Variants in DDHD2 observed in about 807,000 individuals in gnomAD.
DDHD2 encodes triacylglycerol hydrolase DDHD2.
A neutral mutation model predicts 91.2 loss-of-function variants in DDHD2; 62 were observed. The ratio of observed to expected loss-of-function variants is 0.68; its 90% confidence interval spans 0.55 to 0.84. The LOEUF (loss-of-function observed/expected upper bound fraction) is 0.84. Ranked by LOEUF, DDHD2 falls within the 40% of genes least tolerant of loss-of-function variation. DDHD2 has a pLI of 0.00. For missense variants in DDHD2, 740 were observed against 846.9 expected, an observed-to-expected ratio of 0.87 and a Z score of 1.57; for synonymous variants, 271 against 293.9, an observed-to-expected ratio of 0.92 and a Z score of 0.80.
chr8:38,258,595 C>T (rs1806726004), intron 16 of DDHD2, among the ~76,000 whole-genome samples: 1 of 152,166 alleles, frequency 6.6e-6, no homozygotes, highest in African/African-American at 2.4e-5. Context: ...TTCTCAACTT[C>T]TTACTTGTTG....
chr8:38,269,019 G>A (rs1448644572), intron 1 of DDHD2: 1 of 1,550,086 alleles, frequency 6.5e-7, no homozygotes, highest in Non-Finnish European at 8.7e-7. Context: ...GCGCAGAGCA[G>A]GTCGCCTGGC....
chr8:38,267,315 C>T (rs758173996), downstream of DDHD2: 1 of 1,614,036 alleles, frequency 6.2e-7, no homozygotes, highest in Non-Finnish European at 8.5e-7. Context: ...TTCACCACGT[C>T]CTTATCCCCT....
At chr8:38,252,435 G>T in intron 13 of DDHD2, 148 bp downstream of exon 13, 5 of 916,106 alleles carry the variant, frequency 5.5e-6, no homozygotes, top group Non-Finnish European at 8.2e-6. Context: ...GGAAGTGATG[G>T]AGCAGAACTG....
At chr8:38,243,808 C>CTTT (rs747825792) in intron 7 of DDHD2, among the ~76,000 whole-genome samples, 1 of 135,336 alleles carries the variant, frequency 7.4e-6, no homozygotes, top group Admixed American at 7.5e-5. Context: ...TTTTTTTTAT[C>CTTT]TTTTTTTTTT....
At chr8:38,272,150 G>C (rs913865433), downstream of DDHD2, 1 of 152,176 alleles carries the variant, frequency 6.6e-6, no homozygotes, top group Non-Finnish European at 1.5e-5. Context: ...TTACAGACAT[G>C]TTTTCAAATA....
intron 6 of DDHD2, among the ~76,000 whole-genome samples, chr8:38,241,728 C>A (rs1304944242): frequency 1.3e-5 from 2 of 149,248 alleles, no homozygotes; most frequent in African/African-American, 4.9e-5. Context: ...CTGAAGTTAG[C>A]CTTCTTTTGA....
downstream of DDHD2, chr8:38,263,765 T>C: frequency 3.0e-6 from 3 of 985,422 alleles, no homozygotes; most frequent in Non-Finnish European, 3.6e-6. Flanking sequence ...AAATTAAGTT[T>C]TGATAATGAA....
At chr8:38,266,208 CAGAA>C (rs776998272), downstream of DDHD2, 37 of 1,613,708 alleles carry the variant, frequency 2.3e-5, no homozygotes, top group South Asian at 2.2e-4. Flanking sequence ...GTAGAGGTGA[CAGAA>C]AGGCACAGAA....
chr8:38,237,654 G>T (rs768495260), intron 4 of DDHD2, 27 bp downstream of exon 4: 10 of 1,362,010 alleles, frequency 7.3e-6, no homozygotes, highest in African/African-American at 1.5e-5. Context: ...CTCTTGTCGG[G>T]ATAAAAAGTT....
chr8:38,264,713 A>C, downstream of DDHD2: 1 of 1,435,332 alleles, frequency 7.0e-7, no homozygotes, highest in South Asian at 1.5e-5. Context: ...TGTGGGGCTA[A>C]AATAACCTCA....
At position 38,253,032 on chromosome 8, in the gene DDHD2, A is replaced by G. The variant is rs1487744193; in HGVS notation, c.1796A>G (p.Lys599Arg). ...NLLGSLRMAW[K>R]SFTRAPYPAL... ...CTAGGTTCGCTGCGGATGGCCTGGAAGTCTTTTACCAGAGCTCCATACCCT... is the reference window on the plus strand; with the variant it reads ...CTAGGTTCGCTGCGGATGGCCTGGAGGTCTTTTACCAGAGCTCCATACCCT... Residue 599 changes from lysine to arginine, a missense_variant, in exon 15 of 18, where the codon AAG becomes AGG. By Grantham distance (26) the Lys-to-Arg change is conservative. Coordinates refer to ENST00000397166, the MANE Select transcript of DDHD2 (RefSeq NM_015214.3). 1.4e-5 allele frequency: 22 copies of G among 1,614,166 alleles called. 1 individual carries two copies. The South Asian group carries it at 1.5e-4, about 11-fold the overall frequency.
intron 3 of DDHD2, among the ~76,000 whole-genome samples, chr8:38,236,688 T>C (rs1256353793): frequency 4.6e-5 from 7 of 152,126 alleles, no homozygotes; most frequent in Non-Finnish European, 8.8e-5. Context: ...GCTAATTTTG[T>C]ATTTGTAGTA....
chr8:38,268,250 T>TA (rs764643672), intron 1 of DDHD2: 10 of 1,088,692 alleles, frequency 9.2e-6, no homozygotes, highest in Non-Finnish European at 1.3e-5. Context: ...CCCGCGGGGA[T>TA]AGAGTTCCTT....
At chr8:38,247,973 C>T in intron 10 of DDHD2, 138 bp downstream of exon 10, 1 of 681,924 alleles carries the variant, frequency 1.5e-6, no homozygotes, top group Non-Finnish European at 2.3e-6. Flanking sequence ...TATTTATTTG[C>T]TTTTTATCAT....
chr8:38,241,173 C>G (rs1805226077), intron 6 of DDHD2, among the ~76,000 whole-genome samples: 3 of 151,008 alleles, frequency 2.0e-5, no homozygotes. Flanking sequence ...TAAACATAAA[C>G]TAGAATTGTA....
At chr8:38,234,317 G>A (rs1382187540) in intron 2 of DDHD2, 77 bp from the exon 3 acceptor site, 2 of 1,081,750 alleles carry the variant, frequency 1.8e-6, no homozygotes, top group African/African-American at 1.6e-5. Context: ...ACATTATTTA[G>A]AGTATAACTG....
chr8:38,264,787 TATC>T, downstream of DDHD2: 3 of 1,503,108 alleles, frequency 2.0e-6, no homozygotes, highest in South Asian at 1.4e-5. Context: ...GTTACAGTAT[TATC>T]ATTGTCAGGT....
intron 6 of DDHD2, among the ~76,000 whole-genome samples, chr8:38,241,168 A>G (rs1191873068): frequency 1.3e-5 from 2 of 152,040 alleles, no homozygotes; most frequent in East Asian, 3.9e-4. Flanking sequence ...GGTTCTAAAC[A>G]TAAACTAGAA....
chr8:38,235,920 A>G (rs574670829), intron 3 of DDHD2, among the ~76,000 whole-genome samples: 1 of 151,522 alleles, frequency 6.6e-6, no homozygotes. Context: ...TGCAAACTGT[A>G]TTATGCTATG....
Sources: allele counts gnomAD v4.1 joint callset (sites outside exome capture counted in the v4.1 genomes callset), GRCh38; gene constraint gnomAD v4.1.1; transcripts MANE v1.5; gene names NCBI Gene and HGNC (gene_info 2026-07-23, HGNC 2026-07-21).